Variants in ADGRD1 observed in about 807,000 individuals in gnomAD.
ADGRD1 encodes the protein adhesion G protein-coupled receptor D1, also known as G-protein coupled receptor 133.
Under a neutral mutation model 113.4 loss-of-function variants are expected in ADGRD1, and 77 were observed. The observed-to-expected ratio is 0.68, with a 90% CI of 0.57 to 0.82. The LOEUF (loss-of-function observed/expected upper bound fraction) is 0.82. ADGRD1 is among the 40% of genes least tolerant of loss of function. ADGRD1 has a pLI of 0.00. For missense variants in ADGRD1, 1,036 were observed against 1,139.1 expected, an observed-to-expected ratio of 0.91 and a Z score of 1.30; for synonymous variants, 474 against 475.0, an observed-to-expected ratio of 1.00 and a Z score of 0.03.
At chr12:130,975,431 C>A (rs796416165) in intron 4 of ADGRD1, among the ~76,000 whole-genome samples, 13 of 152,154 alleles carry the variant, frequency 8.5e-5, no homozygotes, top group African/African-American at 3.1e-4. Flanking sequence ...GCATCTCCAT[C>A]CAGGGTTTGC....
intron 13 of ADGRD1, among the ~76,000 whole-genome samples, chr12:131,028,852 C>A (rs1174551969): frequency 6.6e-6 from 1 of 152,206 alleles, no homozygotes; most frequent in Non-Finnish European, 1.5e-5. Flanking sequence ...CTCGTGTAAA[C>A]CCTCCAGCTT....
intron 6 of ADGRD1, chr12:130,989,929 G>T (rs1874164520): frequency 6.6e-6 from 1 of 152,258 alleles, no homozygotes; most frequent in Non-Finnish European, 1.5e-5. Context: ...CGGAAAGCAT[G>T]TACCTTTGGG....
intron 15 of ADGRD1, among the ~76,000 whole-genome samples, chr12:131,094,592 C>T (rs2137269308): frequency 6.6e-6 from 1 of 151,968 alleles, no homozygotes; most frequent in South Asian, 2.1e-4. Flanking sequence ...GCCCCCCCGA[C>T]TCCCCAAGCA....
Position 131,054,079 on chromosome 12 carries a change from G to C in ADGRD1, c.1474-22722G>C, listed in dbSNP as rs1593129638. Among the ~76,000 whole-genome samples, 5 of 152,210 alleles carry C rather than the reference G, an allele frequency of 3.3e-5. 1 individual carries two copies. Among genetic ancestry groups the C allele is most frequent in the Admixed American group, 3.3e-4 (5 of 15,300 alleles). ...ACCTGTATCAGAGTCCCCAGGCCTA[G>C]AGCTGCTTCACCTGCACAGTTACAA... is the stretch of plus-strand genomic sequence containing the variant. On this transcript the variant is annotated intron_variant, in intron 13 of 24. Coordinates refer to ENST00000261654, the MANE Select transcript of ADGRD1 (RefSeq NM_198827.5).
intron 21 of ADGRD1, among the ~76,000 whole-genome samples, 176 bp downstream of exon 21, chr12:131,131,992 C>T (rs1205490201): frequency 4.6e-5 from 7 of 152,306 alleles, no homozygotes; most frequent in South Asian, 2.1e-4. Context: ...GCTTGGCTCT[C>T]GTGACCCAGG....
chr12:130,992,469 C>A (rs1389739225), intron 8 of ADGRD1, 77 bp downstream of exon 8: 3 of 1,269,886 alleles, frequency 2.4e-6, no homozygotes, highest in Non-Finnish European at 3.3e-6. Context: ...TCTGTTTGAC[C>A]TAGATCGAGT....
chr12:130,978,706 AATTT>A, intron 4 of ADGRD1: 1 of 152,286 alleles, frequency 6.6e-6, no homozygotes, highest in Middle Eastern at 3.4e-3. Flanking sequence ...CACCACATGG[AATTT>A]TTTTATTTTT....
intron 11 of ADGRD1, 21 bp downstream of exon 11, chr12:131,004,317 C>T: frequency 1.3e-6 from 2 of 1,522,862 alleles, no homozygotes; most frequent in Non-Finnish European, 1.8e-6. Flanking sequence ...CTGCGCTGGA[C>T]TCCCTTCCGG....
chr12:131,066,423 G>C (rs1465327336), intron 13 of ADGRD1, among the ~76,000 whole-genome samples: 1 of 152,274 alleles, frequency 6.6e-6, no homozygotes, highest in East Asian at 1.9e-4. Flanking sequence ...CGGTGGCCCT[G>C]TCCGTTCACT....
chr12:131,119,215 AT>A (rs1566125970), intron 19 of ADGRD1, among the ~76,000 whole-genome samples: 1 of 152,256 alleles, frequency 6.6e-6, no homozygotes, highest in Non-Finnish European at 1.5e-5. Context: ...GAAGTTGAGC[AT>A]TTTCACAGCT....
At chr12:131,138,057 G>A in intron 23 of ADGRD1, 80 bp from the exon 24 acceptor site, 1 of 1,147,832 alleles carries the variant, frequency 8.7e-7, no homozygotes, top group Non-Finnish European at 1.3e-6. Context: ...TGGTTCCGGA[G>A]TTGCACCGGC....
intron 20 of ADGRD1, among the ~76,000 whole-genome samples, chr12:131,121,790 C>T (rs1389906665): frequency 6.6e-6 from 1 of 152,170 alleles, no homozygotes; most frequent in African/African-American, 2.4e-5. Flanking sequence ...AGGCTCGTCC[C>T]TCATCTTCTC....
At chr12:131,112,404 C>T (rs1950367049) in intron 18 of ADGRD1, among the ~76,000 whole-genome samples, 1 of 152,150 alleles carries the variant, frequency 6.6e-6, no homozygotes, top group Non-Finnish European at 1.5e-5. Flanking sequence ...AAATCCAGGC[C>T]CCTTCGTAGG....
intron 13 of ADGRD1, among the ~76,000 whole-genome samples, chr12:131,063,048 T>C (rs1392833955): frequency 6.6e-6 from 1 of 152,188 alleles, no homozygotes; most frequent in African/African-American, 2.4e-5. Context: ...AAATGTCTCT[T>C]AGTATCTTTT....
intron 13 of ADGRD1, among the ~76,000 whole-genome samples, chr12:131,034,347 G>A (rs1441680848): frequency 1.3e-5 from 2 of 152,192 alleles, no homozygotes; most frequent in East Asian, 3.8e-4. Context: ...CCGCATGGTT[G>A]ACACCTTCCC....
At position 131,041,947 on chromosome 12, in the gene ADGRD1, G is replaced by A. The variant is rs1365164299; in HGVS notation, c.1473+27607G>A. Among the ~76,000 whole-genome samples the A allele has an allele frequency of 6.6e-6, 1 of 152,042 alleles. No individual in the cohort carries two copies. The highest frequency in any genetic ancestry group is 1.5e-5 in the Non-Finnish European group (1 of 68,000). On this transcript the variant is annotated intron_variant, in intron 13 of 24. Coordinates refer to ENST00000261654, the MANE Select transcript of ADGRD1 (RefSeq NM_198827.5). This position sits in a 1 kb window ranked among gnomAD's most constrained non-coding sequence, Gnocchi z 4.4. ...TATCCGAGTCCCCCTGCGAGGAGAA[G>A]GCGCCGATGACCTAGGGTTCCTTCG...
chr12:130,967,482 C>G (rs895181399), intron 3 of ADGRD1: 1 of 156,758 alleles, frequency 6.4e-6, no homozygotes, highest in Non-Finnish European at 1.4e-5. Flanking sequence ...ACATGGGCGG[C>G]GAGGGTTTAC....
At chr12:131,042,393 G>A (rs967417031) in intron 13 of ADGRD1, among the ~76,000 whole-genome samples, 1 of 152,186 alleles carries the variant, frequency 6.6e-6, no homozygotes, top group Admixed American at 6.5e-5. Flanking sequence ...CCCCGACACT[G>A]ATGAGCCAAG....
chr12:130,954,961 CTCTT>C lies in ADGRD1; in HGVS notation c.103+306_103+309del, dbSNP rs765004739. ...TCTGCCTCTTTCTTTCTCTCTTTCT[CTCTT>C]TCTTCCTTTCTTCCTTTTTTTCTTT... is the stretch of plus-strand genomic sequence containing the variant. On this transcript the variant is annotated intron_variant, in intron 2 of 24. Transcript: ENST00000261654. The surrounding 1 kb of genome is among the most constrained non-coding windows in gnomAD (Gnocchi z 4.7). Among the ~76,000 whole-genome samples, 2 of 151,702 alleles carry C rather than the reference CTCTT, an allele frequency of 1.3e-5. No homozygotes were observed. The highest frequency in any genetic ancestry group is 3.9e-4 in the East Asian group (2 of 5,164).
Sources: allele counts gnomAD v4.1 joint callset (sites outside exome capture counted in the v4.1 genomes callset), GRCh38; gene constraint gnomAD v4.1.1; non-coding constraint Gnocchi (gnomAD v3.1); transcripts MANE v1.5; gene names NCBI Gene and HGNC (gene_info 2026-07-23, HGNC 2026-07-21).